Variants in HERC1 observed in about 807,000 individuals in gnomAD.
HERC1 encodes probable E3 ubiquitin-protein ligase HERC1.
HERC1 carries 160 observed loss-of-function variants against 554.3 expected under a neutral mutation model. The ratio of observed to expected loss-of-function variants is 0.29; its 90% confidence interval spans 0.25 to 0.33. The LOEUF is 0.33. Among genes scored for constraint, HERC1 ranks in the 10% least tolerant of loss-of-function variants. HERC1 has a pLI of 1.00. For missense variants in HERC1, 4,919 were observed against 5,918.5 expected, an observed-to-expected ratio of 0.83 and a Z score of 5.54; for synonymous variants, 2,175 against 2,131.7, an observed-to-expected ratio of 1.02 and a Z score of -0.56.
chr15:63,675,144 G>C (rs756835715), intron 37 of HERC1, 27 bp from the exon 38 acceptor site: 1 of 1,541,638 alleles, frequency 6.5e-7, no homozygotes, highest in Non-Finnish European at 8.7e-7. Context: ...AATGACACAG[G>C]AAGAAGCAAG....
chr15:63,807,757 C>T (rs1213171794), intron 1 of HERC1, among the ~76,000 whole-genome samples: 1 of 152,178 alleles, frequency 6.6e-6, no homozygotes. Flanking sequence ...CCAATTCCTA[C>T]ATCACTCAGT....
At chr15:63,639,841 G>A (rs2068954971) in intron 61 of HERC1, among the ~76,000 whole-genome samples, 1 of 152,138 alleles carries the variant, frequency 6.6e-6, no homozygotes, top group Non-Finnish European at 1.5e-5. Flanking sequence ...AGGAAAAGAT[G>A]CTAAGATATA....
rs1460452922 is a variant in HERC1, at chr15:63,677,117, A to C, written c.7070+728T>G. On this transcript the variant is annotated intron_variant, in intron 37 of 77. Transcript: ENST00000443617. The surrounding 1 kb of genome is among the most constrained non-coding windows in gnomAD (Gnocchi z 4.4). ...CCAATGGGCAACTCCTTTGAGTGAA[A>C]ACCTGAAACTTTTTGAGCACCAACA... Among the ~76,000 whole-genome samples, 1 of 152,190 alleles carries C rather than the reference A, an allele frequency of 6.6e-6. No individual in the cohort carries two copies. Among genetic ancestry groups the C allele is most frequent in the East Asian group, 1.9e-4 (1 of 5,188 alleles).
chr15:63,681,661 T>G (rs1450692468), intron 34 of HERC1, among the ~76,000 whole-genome samples: 3 of 152,164 alleles, frequency 2.0e-5, no homozygotes. Context: ...ACAATGTGGT[T>G]TATGCTGAAT....
chr15:63,803,257 T>C (rs1360898290), intron 1 of HERC1, among the ~76,000 whole-genome samples: 1 of 152,172 alleles, frequency 6.6e-6, no homozygotes, highest in Non-Finnish European at 1.5e-5. Context: ...TATCCCCATT[T>C]TCCAGGAAGG....
At chr15:63,739,671 T>C in intron 12 of HERC1, among the ~76,000 whole-genome samples, 1 of 151,910 alleles carries the variant, frequency 6.6e-6, no homozygotes, top group East Asian at 2.0e-4. Flanking sequence ...AAACCCTGTC[T>C]CTACTAAAAA....
intron 33 of HERC1, 41 bp downstream of exon 33, chr15:63,689,548 C>T: frequency 9.1e-7 from 1 of 1,099,744 alleles, no homozygotes; most frequent in Non-Finnish European, 1.3e-6. Context: ...AGAATATTCA[C>T]TTATGCTGTT....
Position 63,656,279 on chromosome 15 carries a change from A to G in HERC1, c.9679T>C (p.Leu3227=), listed in dbSNP as rs1198468188. ...AGGCCAGCTCTCCCTGCTGCTGCCA[A>G]GCACATTAATCGAACTAGCGTTCGG... is the stretch of plus-strand genomic sequence containing the variant. The part of the protein sequence containing the change: ...DIRTLVRLMC[L]AAAGRAGLST... The change falls in exon 49 of 78, where the codon TTG becomes CTG. Residue 3227 remains leucine, a synonymous_variant. Coordinates refer to ENST00000443617, the MANE Select transcript of HERC1 (RefSeq NM_003922.4). 4 of 1,614,014 alleles carry G rather than the reference A, an allele frequency of 2.5e-6. No individual in the cohort carries two copies. Among genetic ancestry groups the G allele is most frequent in the Non-Finnish European group, 3.4e-6 (4 of 1,179,890 alleles).
intron 22 of HERC1, among the ~76,000 whole-genome samples, chr15:63,714,553 T>G (rs1433738643): frequency 3.4e-5 from 5 of 145,460 alleles, no homozygotes; most frequent in Admixed American, 1.4e-4. Flanking sequence ...CTGTTTTTTT[T>G]TTTTTTTTTT....
At chr15:63,795,768 C>T (rs2076794159) in intron 1 of HERC1, among the ~76,000 whole-genome samples, 1 of 152,218 alleles carries the variant, frequency 6.6e-6, no homozygotes, top group Non-Finnish European at 1.5e-5. Context: ...CACGCGTCCA[C>T]CCTACTGCTG....
intron 59 of HERC1, among the ~76,000 whole-genome samples, chr15:63,642,567 A>T (rs982272688): frequency 2.0e-5 from 3 of 152,156 alleles, no homozygotes; most frequent in East Asian, 1.9e-4. Context: ...TGAACTCAGG[A>T]CCTTGAGCAA....
intron 57 of HERC1, among the ~76,000 whole-genome samples, chr15:63,643,822 T>C (rs2069188975): frequency 6.6e-6 from 1 of 152,228 alleles, no homozygotes; most frequent in African/African-American, 2.4e-5. Flanking sequence ...AAGTTCTAAT[T>C]ATCCCTCAGA....
Position 63,789,456 on chromosome 15 carries a change from A to G in HERC1, c.-26-13807T>C, listed in dbSNP as rs183458676. ...CAAAACCATTAGCAGTATTGACTCT[A>G]GAGTCAAGTAGAATATAAGAGTGCC... On this transcript the variant is annotated intron_variant, in intron 1 of 77. Coordinates refer to ENST00000443617, the MANE Select transcript of HERC1 (RefSeq NM_003922.4). 6.6e-3 allele frequency among the ~76,000 whole-genome samples: 1,006 copies of G among 152,218 alleles called. 6 individuals carry two copies. The highest frequency in any genetic ancestry group is 0.011 in the Non-Finnish European group (751 of 68,012).
At chr15:63,806,719 A>G (rs1054581789) in intron 1 of HERC1, among the ~76,000 whole-genome samples, 19 of 152,238 alleles carry the variant, frequency 1.2e-4, no homozygotes, top group Non-Finnish European at 5.9e-5. Context: ...AAATCAGATA[A>G]TAGATTGCAT....
chr15:63,635,978 C>T lies in HERC1; in HGVS notation c.12397G>A (p.Gly4133Arg), dbSNP rs1040342538. Residue 4133 changes from glycine to arginine, a missense_variant, in exon 65 of 78, where the codon GGA (glycine) becomes AGA (arginine). By Grantham distance (125) the Gly-to-Arg change is moderately radical. Coordinates refer to ENST00000443617, the MANE Select transcript of HERC1 (RefSeq NM_003922.4). ...RRPRQIEALQ[G>R]EEVVQMSCGF... ...TGCCTGACCTGCACCACTTCTTCTC[C>T]TTGTAAGGCCTCGATCTGCCTGGGC... 3 of 1,613,866 alleles carry T rather than the reference C, an allele frequency of 1.9e-6. No individual in the cohort carries two copies. The highest frequency in any genetic ancestry group is 2.5e-6 in the Non-Finnish European group (3 of 1,179,878).
chr15:63,611,944 G>A (rs1057414207), intron 77 of HERC1, among the ~76,000 whole-genome samples: 4 of 152,212 alleles, frequency 2.6e-5, no homozygotes, highest in African/African-American at 9.7e-5. Flanking sequence ...CAGCACTTTG[G>A]GAGGCCAACG....
At chr15:63,767,681 A>C (rs913988930) in intron 2 of HERC1, among the ~76,000 whole-genome samples, 8 of 152,108 alleles carry the variant, frequency 5.3e-5, no homozygotes, top group Non-Finnish European at 1.0e-4. Flanking sequence ...CTGGGAAACA[A>C]GAGCGAGGCT....
rs748339654 is a variant in HERC1, at chr15:63,727,713, A to G, written c.3280T>C (p.Cys1094Arg). ...GCAGCTGGCAGGAGTCTATTAAGGC[A>G]ATCAAGAGGTGGCAACAAGTCGAGG... The part of the protein sequence containing the change: ...YLLDLLPPLD[C>R]LNRLLPAADL... The change falls in exon 17 of 78, where the codon TGC becomes CGC. Residue 1094 changes from cysteine (C) to arginine (R), a missense_variant. By Grantham distance (180) the Cys-to-Arg change is radical (BLOSUM62 -3). Transcript: ENST00000443617. The surrounding 1 kb of genome is among the most constrained non-coding windows in gnomAD (Gnocchi z 4.3). The G allele has an allele frequency of 1.1e-5, 17 of 1,613,794 alleles. No individual in the cohort carries two copies. The Admixed American group carries it at 1.7e-4, about 16-fold the overall frequency.
chr15:63,791,080 A>G (rs1394561392), intron 1 of HERC1, among the ~76,000 whole-genome samples: 1 of 152,208 alleles, frequency 6.6e-6, no homozygotes, highest in Admixed American at 6.5e-5. Context: ...TAAATAATAA[A>G]GTAGGTTTAA....
Sources: allele counts gnomAD v4.1 joint callset (sites outside exome capture counted in the v4.1 genomes callset), GRCh38; gene constraint gnomAD v4.1.1; non-coding constraint Gnocchi (gnomAD v3.1); transcripts MANE v1.5; gene names NCBI Gene and HGNC (gene_info 2026-07-23, HGNC 2026-07-21).